Variants in TRIP12 observed in about 807,000 individuals in gnomAD.
TRIP12 encodes the protein thyroid hormone receptor interactor 12.
In TRIP12, 25 loss-of-function variants were observed where a neutral mutation model predicts 244.2. The ratio of observed to expected loss-of-function variants is 0.10; its 90% CI spans 0.07 to 0.14. The LOEUF (loss-of-function observed/expected upper bound fraction) is 0.14. Ranked by LOEUF, TRIP12 falls within the 10% of genes least tolerant of loss-of-function variation. The pLI is 1.00. For missense variants in TRIP12, 1,677 were observed against 2,486.4 expected (o/e 0.67, Z 6.92); for synonymous variants, 905 against 873.1 (o/e 1.04, Z -0.64).
At chr2:229,793,494 G>A (rs998886279) in intron 26 of TRIP12, 1 of 157,422 alleles carries the variant, frequency 6.4e-6, no homozygotes, top group Non-Finnish European at 1.4e-5. Context: ...ACTCACTTCT[G>A]CAATATTTTG....
intron 1 of TRIP12, among the ~76,000 whole-genome samples, chr2:229,884,925 A>C (rs967883744): frequency 6.6e-5 from 10 of 152,280 alleles, no homozygotes; most frequent in African/African-American, 4.8e-5. Flanking sequence ...GGCCGTGATA[A>C]TACTACTGCA....
At position 229,791,183 on chromosome 2, in the gene TRIP12, T is replaced by C; in HGVS notation, c.4484A>G (p.Gln1495Arg). Reference protein sequence around the residue: ...DCVGGKRGRAQTAPTKTSPRN... With the variant: ...DCVGGKRGRARTAPTKTSPRN... ...AGGGGAAGTTTTCGTTGGAGCTGTT[T>C]GGGCTCTTCCTCTTTTACCACCAAC... The change falls in exon 30 of 42, where the codon CAA (glutamine) becomes CGA (arginine). Residue 1495 changes from glutamine (Q) to arginine (R), a missense_variant. Transcript: ENST00000675903. 1 of 1,614,174 alleles carries C rather than the reference T, an allele frequency of 6.2e-7. No individual in the cohort carries two copies. The highest frequency in any genetic ancestry group is 8.5e-7 in the Non-Finnish European group (1 of 1,179,996).
At chr2:229,780,220 C>T (rs530054387) in intron 34 of TRIP12, among the ~76,000 whole-genome samples, 2 of 152,240 alleles carry the variant, frequency 1.3e-5, no homozygotes, top group South Asian at 4.2e-4. Flanking sequence ...AATGAATAAT[C>T]CCACCAAATC....
intron 37 of TRIP12, among the ~76,000 whole-genome samples, chr2:229,774,574 G>C (rs1028843959): frequency 6.6e-6 from 1 of 152,192 alleles, no homozygotes; most frequent in Non-Finnish European, 1.5e-5. Context: ...TTTTAAGAAT[G>C]TGGACCCTAG....
intron 8 of TRIP12, among the ~76,000 whole-genome samples, chr2:229,818,970 A>G (rs1174298518): frequency 6.6e-6 from 1 of 152,012 alleles, no homozygotes; most frequent in African/African-American, 2.4e-5. Flanking sequence ...TGAAAGGGCA[A>G]GGAAATAAAA....
chr2:229,903,012 TTTTTTC>T lies in TRIP12; in HGVS notation c.-50+18862_-50+18867del, dbSNP rs1362544177. On this transcript the variant is annotated intron_variant, in intron 1 of 41. Transcript: ENST00000675903. ...TGTGCGGGTTTTTTTTTCTTTTTCTTTTTTTCTTTTTTTTTTTTTTTTTTGCCAGAA... is the reference window on the plus strand; with the variant it reads ...TGTGCGGGTTTTTTTTTCTTTTTCTTTTTTTTTTTTTTTTTTTTGCCAGAA... Among the ~76,000 whole-genome samples the T allele has an allele frequency of 8.0e-4, 24 of 30,058 alleles. No individual in the cohort carries two copies. In the East Asian group the frequency reaches 9.1e-3, roughly 11 times the overall value. 19.7% of individuals were successfully genotyped at this position (30,058 alleles called of 152,430 possible).
At chr2:229,799,240 C>A (rs1281922675) in intron 22 of TRIP12, 43 bp downstream of exon 22, 2 of 1,599,478 alleles carry the variant, frequency 1.3e-6, no homozygotes, top group South Asian at 1.1e-5. Context: ...CACCTGCTAC[C>A]ACCCTCCCCT....
intron 1 of TRIP12, among the ~76,000 whole-genome samples, chr2:229,900,183 T>C (rs1477535328): frequency 2.0e-5 from 3 of 152,242 alleles, no homozygotes; most frequent in African/African-American, 7.2e-5. Flanking sequence ...TTGCTTTAGT[T>C]GAACTTCTAC....
intron 2 of TRIP12, among the ~76,000 whole-genome samples, chr2:229,871,441 C>G (rs1297035274): frequency 6.6e-6 from 1 of 152,112 alleles, no homozygotes; most frequent in African/African-American, 2.4e-5. Context: ...GGCTTAATGC[C>G]AATGCCCTTG....
intron 1 of TRIP12, among the ~76,000 whole-genome samples, chr2:229,893,272 A>G (rs187131577): frequency 1.1e-3 from 171 of 152,354 alleles, no homozygotes; most frequent in African/African-American, 3.7e-3. Context: ...TTTATGTATC[A>G]TAAAACAGTT....
At chr2:229,857,906 G>A (rs759784938) in intron 4 of TRIP12, among the ~76,000 whole-genome samples, 6 of 152,196 alleles carry the variant, frequency 3.9e-5, no homozygotes, top group Non-Finnish European at 5.9e-5. Flanking sequence ...AGGACACAGA[G>A]TAGTGTATAT....
At chr2:229,906,864 T>C (rs969274140) in intron 1 of TRIP12, among the ~76,000 whole-genome samples, 2 of 152,066 alleles carry the variant, frequency 1.3e-5, no homozygotes, top group African/African-American at 4.8e-5. Context: ...TATATCAAAA[T>C]AAAGACATCA....
intron 1 of TRIP12, among the ~76,000 whole-genome samples, chr2:229,888,621 T>C (rs1385665077): frequency 3.3e-5 from 5 of 151,754 alleles, no homozygotes; most frequent in Admixed American, 1.3e-4. Context: ...CTGGGCAACA[T>C]GGCAAAACCC....
chr2:229,782,770 T>A (rs1400754568), intron 34 of TRIP12, among the ~76,000 whole-genome samples: 1 of 152,194 alleles, frequency 6.6e-6, no homozygotes, highest in African/African-American at 2.4e-5. Flanking sequence ...GCTAAATCTA[T>A]GATACTTACC....
intron 7 of TRIP12, among the ~76,000 whole-genome samples, chr2:229,830,513 A>T (rs1411532364): frequency 6.6e-6 from 1 of 152,224 alleles, no homozygotes; most frequent in African/African-American, 2.4e-5. Context: ...ACCACAATTT[A>T]AAAATTTTAA....
At chr2:229,785,881 A>C (rs778920671) in intron 33 of TRIP12, 26 bp from the exon 34 acceptor site, 2 of 1,594,222 alleles carry the variant, frequency 1.3e-6, no homozygotes, top group Non-Finnish European at 1.7e-6. Flanking sequence ...AACTGTCAGG[A>C]AACTATGCTC....
At chr2:229,877,488 A>G (rs2063819905) in intron 2 of TRIP12, among the ~76,000 whole-genome samples, 1 of 152,228 alleles carries the variant, frequency 6.6e-6, no homozygotes, top group Admixed American at 6.5e-5. Context: ...AGCAGAGATC[A>G]CAGCACTGCA....
intron 4 of TRIP12, among the ~76,000 whole-genome samples, chr2:229,850,478 G>A (rs905128835): frequency 1.3e-5 from 2 of 152,322 alleles, no homozygotes; most frequent in African/African-American, 4.8e-5. Context: ...AGAGCTCACA[G>A]ATTATCTACC....
chr2:229,891,249 CCT>C (rs1285520604), intron 1 of TRIP12, among the ~76,000 whole-genome samples: 2 of 151,822 alleles, frequency 1.3e-5, no homozygotes, highest in Non-Finnish European at 2.9e-5. Flanking sequence ...GGTGAAACCC[CCT>C]CTCTACCAAA....
Sources: allele counts gnomAD v4.1 joint callset (sites outside exome capture counted in the v4.1 genomes callset), GRCh38; gene constraint gnomAD v4.1.1; transcripts MANE v1.5; gene names NCBI Gene and HGNC (gene_info 2026-07-23, HGNC 2026-07-21).